The following ADGRL3 variants were observed in gnomAD, a reference collection of about 807,000 sequenced individuals.
The protein encoded by ADGRL3 is calcium-independent alpha-latrotoxin receptor 3.
In ADGRL3, 62 loss-of-function variants were observed where a neutral mutation model predicts 153.5. The observed-to-expected ratio is 0.40, with a 90% confidence interval of 0.33 to 0.50. ADGRL3 has a LOEUF of 0.50. Among genes scored for constraint, ADGRL3 ranks in the 20% least tolerant of loss-of-function variants. The pLI is 0.47. For synonymous variants in ADGRL3, 710 were observed against 672.5 expected (o/e 1.06, Z -0.86); for missense variants, 1,641 against 1,859.4 (o/e 0.88, Z 2.16).
At chr4:61,808,977 A>T (rs7671445) in intron 8 of ADGRL3, among the ~76,000 whole-genome samples, 8,125 of 152,106 alleles carry the variant, frequency 0.053, 367 homozygotes, top group African/African-American at 0.12. Context: ...CAAAATGATA[A>T]TATTATTAAA....
chr4:61,889,263 GT>G (rs1049513266), intron 9 of ADGRL3, among the ~76,000 whole-genome samples: 5 of 152,234 alleles, frequency 3.3e-5, no homozygotes, highest in African/African-American at 1.2e-4. Flanking sequence ...ATAGCAGTTA[GT>G]TAGCCAGGTG....
At chr4:61,396,407 G>A (rs2096868999) in intron 2 of ADGRL3, among the ~76,000 whole-genome samples, 1 of 151,506 alleles carries the variant, frequency 6.6e-6, no homozygotes, top group African/African-American at 2.4e-5. Context: ...AGACCAAATT[G>A]AGTATTTAAA....
intron 8 of ADGRL3, among the ~76,000 whole-genome samples, chr4:61,756,153 G>A (rs2096827464): frequency 6.6e-6 from 1 of 152,160 alleles, no homozygotes; most frequent in African/African-American, 2.4e-5. Flanking sequence ...CAGTTCTGTG[G>A]AGAAAGTCGT....
At chr4:61,881,289 T>A (rs2098506837) in intron 9 of ADGRL3, among the ~76,000 whole-genome samples, 1 of 152,226 alleles carries the variant, frequency 6.6e-6, no homozygotes, top group Non-Finnish European at 1.5e-5. Context: ...AGAATTGCAT[T>A]CTTAAAAAGA....
At chr4:61,302,066 G>A (rs1221887172) in intron 1 of ADGRL3, among the ~76,000 whole-genome samples, 1 of 152,122 alleles carries the variant, frequency 6.6e-6, no homozygotes. Context: ...CTGGTCTCAA[G>A]AAGTTATTTT....
intron 8 of ADGRL3, chr4:61,775,414 G>GTC: frequency 1.5e-6 from 1 of 663,750 alleles, no homozygotes; most frequent in Non-Finnish European, 2.8e-6. Context: ...GTGTGTGTGT[G>GTC]TGTGTGTGTG....
chr4:62,027,753 C>T (rs553843579), intron 21 of ADGRL3, among the ~76,000 whole-genome samples: 11 of 152,026 alleles, frequency 7.2e-5, no homozygotes, highest in South Asian at 2.1e-4. Flanking sequence ...GTGTTAGACA[C>T]GGTTCTGAGC....
intron 8 of ADGRL3, among the ~76,000 whole-genome samples, chr4:61,739,573 G>GT (rs1234514694): frequency 6.6e-6 from 1 of 152,142 alleles, no homozygotes; most frequent in Admixed American, 6.5e-5. Flanking sequence ...AATGGACTAT[G>GT]TTTTTTAAAT....
At chr4:61,923,968 G>A (rs977915448) in intron 13 of ADGRL3, among the ~76,000 whole-genome samples, 2 of 152,022 alleles carry the variant, frequency 1.3e-5, no homozygotes, top group Admixed American at 1.3e-4. Flanking sequence ...TTGCCTACTA[G>A]TATGTCCACT....
At chr4:61,483,477 C>T (rs2152745118) in intron 2 of ADGRL3, among the ~76,000 whole-genome samples, 1 of 152,272 alleles carries the variant, frequency 6.6e-6, no homozygotes, top group South Asian at 2.1e-4. Context: ...GTGGCTCACG[C>T]CTGTAAATCC....
At chr4:61,921,524 T>G (rs1174845509) in intron 13 of ADGRL3, among the ~76,000 whole-genome samples, 1 of 152,124 alleles carries the variant, frequency 6.6e-6, no homozygotes, top group Non-Finnish European at 1.5e-5. Context: ...GTTCAAGCGC[T>G]TCTCTCCCAA....
chr4:61,714,118 A>G (rs900537360), intron 6 of ADGRL3, among the ~76,000 whole-genome samples: 2 of 152,084 alleles, frequency 1.3e-5, no homozygotes, highest in African/African-American at 4.8e-5. Flanking sequence ...GCTGCATGTG[A>G]AAGAAAGTGA....
intron 19 of ADGRL3, among the ~76,000 whole-genome samples, chr4:61,995,599 T>C (rs1172116022): frequency 1.3e-5 from 2 of 152,316 alleles, no homozygotes; most frequent in East Asian, 3.9e-4. Context: ...TTCCATTTTG[T>C]CTTCCTGTCA....
intron 21 of ADGRL3, among the ~76,000 whole-genome samples, chr4:62,011,417 A>G (rs991483697): frequency 1.3e-5 from 2 of 152,044 alleles, no homozygotes; most frequent in Non-Finnish European, 1.5e-5. Context: ...AGGCCTTTTT[A>G]TTCAGATTAT....
Position 61,806,249 on chromosome 4 carries a change from C to G in ADGRL3, c.1400-7560C>G, listed in dbSNP as rs1580917208. ...ATTTAGGTTACTATTCCAATAAAGG[C>G]AGGTTAGAAAAGTGAAAGGATGTTT... On this transcript the variant is annotated intron_variant, in intron 8 of 26. Coordinates refer to ENST00000683033, the MANE Select transcript of ADGRL3 (RefSeq NM_001387552.1). Among the ~76,000 whole-genome samples the G allele has an allele frequency of 2.6e-5, 4 of 152,086 alleles. No homozygotes were observed. In the South Asian group the frequency reaches 8.3e-4, roughly 32 times the overall value.
chr4:61,947,568 T>G (rs1258861317), intron 16 of ADGRL3, among the ~76,000 whole-genome samples: 2 of 152,204 alleles, frequency 1.3e-5, no homozygotes, highest in African/African-American at 4.8e-5. Flanking sequence ...TTCTACTGTC[T>G]ACATGTATTT....
chr4:61,602,195 C>G (rs1311309044), intron 5 of ADGRL3, among the ~76,000 whole-genome samples: 1 of 152,028 alleles, frequency 6.6e-6, no homozygotes, highest in East Asian at 1.9e-4. Flanking sequence ...GATAGGGTCT[C>G]CCCATCAAGG....
chr4:61,825,494 T>G (rs987234320), intron 9 of ADGRL3, among the ~76,000 whole-genome samples: 32 of 152,328 alleles, frequency 2.1e-4, no homozygotes, highest in Admixed American at 5.2e-4. Flanking sequence ...ATTTTTATCC[T>G]CCTTAAATCC....
chr4:61,551,299 T>C (rs2098739411), intron 4 of ADGRL3, among the ~76,000 whole-genome samples: 1 of 152,124 alleles, frequency 6.6e-6, no homozygotes, highest in South Asian at 2.1e-4. Context: ...ATATAAAAGT[T>C]TTGTAGTCAG....
Sources: allele counts gnomAD v4.1 joint callset (sites outside exome capture counted in the v4.1 genomes callset), GRCh38; gene constraint gnomAD v4.1.1; transcripts MANE v1.5; gene names NCBI Gene and HGNC (gene_info 2026-07-23, HGNC 2026-07-21).